The following MAN2B1 variants were observed in gnomAD, a reference collection of about 807,000 sequenced individuals.
MAN2B1 encodes the protein mannosidase alpha class 2B member 1.
MAN2B1 carries 99 observed loss-of-function variants against 127.5 expected under a neutral mutation model. The ratio of observed to expected loss-of-function variants is 0.78; its 90% CI spans 0.66 to 0.92. The LOEUF is 0.92. Ranked by LOEUF, MAN2B1 falls within the 40% of genes least tolerant of loss-of-function variation. MAN2B1 has a pLI of 0.00. For missense variants in MAN2B1, 1,304 were observed against 1,384.8 expected (o/e 0.94, Z 0.93); for synonymous variants, 573 against 568.8 (o/e 1.01, Z -0.11).
intron 6 of MAN2B1, among the ~76,000 whole-genome samples, chr19:12,662,566 G>T (rs2024133244): frequency 1.3e-5 from 2 of 152,136 alleles, no homozygotes; most frequent in Admixed American, 1.3e-4. Flanking sequence ...GTAGGTGGAG[G>T]TTGCAGTGAG....
Position 12,647,399 on chromosome 19 carries a change from C to G in MAN2B1, c.2820+44G>C. 1 of 1,612,844 alleles carries G rather than the reference C, an allele frequency of 6.2e-7. No homozygotes were observed. Among genetic ancestry groups the G allele is most frequent in the East Asian group, 2.2e-5 (1 of 44,880 alleles). ...AGCCAGGTTTCTCTTCTCTCCCTCT[C>G]TCTTGCCTCTCTCCGATCTCCTTCT... On this transcript the variant is annotated intron_variant, in intron 22 of 23. Coordinates refer to ENST00000456935, the MANE Select transcript of MAN2B1 (RefSeq NM_000528.4). The surrounding 1 kb of genome is among the most constrained non-coding windows in gnomAD (Gnocchi z 4.9).
Position 12,647,506 on chromosome 19 carries a change from G to A in MAN2B1, c.2757C>T (p.His919=). The A allele has an allele frequency of 1.2e-6, 2 of 1,614,254 alleles. No individual in the cohort carries two copies. Among genetic ancestry groups the A allele is most frequent in the Non-Finnish European group, 1.7e-6 (2 of 1,180,046 alleles). Residue 919 remains histidine (H), a synonymous_variant, in exon 22 of 24, where the codon CAC becomes CAT. Coordinates refer to ENST00000456935, the MANE Select transcript of MAN2B1 (RefSeq NM_000528.4). The surrounding 1 kb of genome is among the most constrained non-coding windows in gnomAD (Gnocchi z 4.9). The part of the protein sequence containing the change: ...GPEMVLLRLE[H]QFAVGEDSGR... ...CGGAATCCTCTCCTACGGCAAACTG[G>A]TGCTCCAAGCGCAGCAGCACCATTT...
At chr19:12,662,188 C>G (rs572954579) in intron 6 of MAN2B1, among the ~76,000 whole-genome samples, 1 of 151,818 alleles carries the variant, frequency 6.6e-6, no homozygotes, top group African/African-American at 2.4e-5. Context: ...TTAAGGAGAA[C>G]GTGTTATGCC....
rs2023991413 is a variant in MAN2B1, at chr19:12,657,348, C to T, written c.1419+98G>A. ...CCTTGTAGCCCCGCCACAGGGCTCT[C>T]GGCTACGCCTCACACCTGTCTCTGT... On this transcript the variant is annotated intron_variant, in intron 11 of 23. Coordinates refer to ENST00000456935, the MANE Select transcript of MAN2B1 (RefSeq NM_000528.4). 4 of 1,152,962 alleles carry T rather than the reference C, an allele frequency of 3.5e-6. No individual in the cohort carries two copies. The Admixed American group carries it at 6.1e-5, about 17-fold the overall frequency. The allele number at this position is 1,152,962 out of a possible 1,614,324, so 71.4% of individuals were successfully genotyped here. A position where few individuals can be genotyped will look rare whatever the true frequency, so the allele number is the denominator to read the frequency against.
intron 10 of MAN2B1, chr19:12,657,846 T>TC (rs2024005684): frequency 1.6e-6 from 1 of 618,542 alleles, no homozygotes; most frequent in Non-Finnish European, 2.8e-6. Context: ...TCCCAGCTAC[T>TC]CGGGAGGCTG....
Position 12,649,340 on chromosome 19 carries a change from C to T in MAN2B1, c.2355+1G>A. The T allele has an allele frequency of 6.2e-7, 1 of 1,613,028 alleles. No individual in the cohort carries two copies. The highest frequency in any genetic ancestry group is 8.5e-7 in the Non-Finnish European group (1 of 1,179,256). ...GGAGGTGCAGGATGGGGGAGAGCTA[C>T]CGTGATGTAAATCCGGGTGTTGACT... On this transcript the variant is annotated splice_donor_variant, in intron 19 of 23. Coordinates refer to ENST00000456935, the MANE Select transcript of MAN2B1 (RefSeq NM_000528.4). LOFTEE classifies it high-confidence loss of function.
At position 12,661,355 on chromosome 19, in the gene MAN2B1, G is replaced by C; in HGVS notation, c.931C>G (p.His311Asp). Residue 311 changes from histidine (H) to aspartate (D), a missense_variant, in exon 7 of 24, where the codon CAC becomes GAC. Transcript: ENST00000456935. The part of the protein sequence containing the change: ...TAQGRYYRTN[H>D]TVMTMGSDFQ... ...TCCGAGCCCATGGTCATCACAGTGT[G>C]GTTGGTGCGGTAATACCGGCCCTGC... 1 of 1,613,396 alleles carries C rather than the reference G, an allele frequency of 6.2e-7. No individual in the cohort carries two copies. The highest frequency in any genetic ancestry group is 8.5e-7 in the Non-Finnish European group (1 of 1,179,352).
In MAN2B1 at chr19:12,647,216, C is replaced by T. The variant is rs1422406161; in HGVS notation, c.2923+17G>A. 3.1e-6 allele frequency: 5 copies of T among 1,607,552 alleles called. No individual in the cohort carries two copies. The highest frequency in any genetic ancestry group is 2.2e-5 in the East Asian group (1 of 44,822). ...GGTAAGACTCCACCCCTTCCCTACC[C>T]CTGACCAGGGCCCCACCTGTGTTTG... On this transcript the variant is annotated intron_variant, in intron 23 of 23. Transcript: ENST00000456935. This position sits in a 1 kb window ranked among gnomAD's most constrained non-coding sequence, Gnocchi z 4.9.
In MAN2B1 at chr19:12,652,163, T is replaced by G; in HGVS notation, c.2036A>C (p.His679Pro). ...PLPVSRWAQIHLVKTPLVQEV... is the reference protein window; with the variant it reads ...PLPVSRWAQIPLVKTPLVQEV... ...TTCCTAGTCCCTGACCTTCACCAGG[T>G]GGATCTGAGCCCAGCGGCTCACAGG... The change falls in exon 16 of 24, where the codon CAC (histidine) becomes CCC (proline). Residue 679 changes from histidine (H) to proline (P), a missense_variant. Physicochemically the swap from His to Pro is moderately conservative, Grantham distance 77. Coordinates refer to ENST00000456935, the MANE Select transcript of MAN2B1 (RefSeq NM_000528.4). 1 of 1,613,814 alleles carries G rather than the reference T, an allele frequency of 6.2e-7. No homozygotes were observed. The highest frequency in any genetic ancestry group is 1.1e-5 in the South Asian group (1 of 91,052).
chr19:12,665,167 A>G (rs1458238924), intron 3 of MAN2B1, 182 bp from the exon 4 acceptor site: 1 of 1,035,080 alleles, frequency 9.7e-7, no homozygotes. Flanking sequence ...CAGGCTTCCC[A>G]GAGGATGCAC....
At position 12,649,397 on chromosome 19, in the gene MAN2B1, G is replaced by A. The variant is rs779769525; in HGVS notation, c.2299C>T (p.Gln767Ter). ...RDYRPTWKLNQTEPVAGNYYP... is the reference protein window; with the variant it reads ...RDYRPTWKLN ...TAGTTTCCTGCCACGGGCTCCGTCT[G>A]GTTCAGTTTCCAGGTGGGTCGATAA... Residue 767 changes from glutamine to a stop codon, truncating the protein, a stop_gained, in exon 19 of 24, where the codon CAG becomes TAG. Coordinates refer to ENST00000456935, the MANE Select transcript of MAN2B1 (RefSeq NM_000528.4). LOFTEE classifies it high-confidence loss of function. The A allele has an allele frequency of 2.9e-5, 46 of 1,612,614 alleles. No individual in the cohort carries two copies.
intron 16 of MAN2B1, 84 bp from the exon 17 acceptor site, chr19:12,650,306 A>G: frequency 1.2e-6 from 1 of 847,636 alleles, no homozygotes. Context: ...CTGGCCATAA[A>G]CCCCATTAAG....
chr19:12,657,650 A>C, intron 10 of MAN2B1, 95 bp from the exon 11 acceptor site: 1 of 1,106,870 alleles, frequency 9.0e-7, no homozygotes, highest in Non-Finnish European at 1.3e-6. Context: ...CAGGATTCTT[A>C]GAGGCTTTAA....
At position 12,647,905 on chromosome 19, in the gene MAN2B1, T is replaced by C. The variant is rs1599338942; in HGVS notation, c.2664+270A>G. On this transcript the variant is annotated intron_variant, in intron 21 of 23. Coordinates refer to ENST00000456935, the MANE Select transcript of MAN2B1 (RefSeq NM_000528.4). The surrounding 1 kb of genome is among the most constrained non-coding windows in gnomAD (Gnocchi z 4.9). ...GAGGCAGGACAGAGCCTGGGGGCGGTGAGAGGGCGGGGCTAAAGTGAAATG... is the reference window on the plus strand; with the variant it reads ...GAGGCAGGACAGAGCCTGGGGGCGGCGAGAGGGCGGGGCTAAAGTGAAATG... Among the ~76,000 whole-genome samples, 1 of 97,966 alleles carries C rather than the reference T, an allele frequency of 1.0e-5. No homozygotes were observed. The highest frequency in any genetic ancestry group is 2.6e-4 in the East Asian group (1 of 3,892). 64.3% of individuals were successfully genotyped at this position (97,966 alleles called of 152,430 possible). A position where few individuals can be genotyped will look rare whatever the true frequency, so the allele number is the denominator to read the frequency against.
In MAN2B1 at chr19:12,658,082, G is replaced by A. The variant is rs757526946; in HGVS notation, c.1290C>T (p.Ser430=). Reference sequence around the variant, plus strand: ...ACTTACTGAGGGGTGCACTGTCTCCGGAGCCATAGGGTCCCACGTTGGCCG... The same window carrying A: ...ACTTACTGAGGGGTGCACTGTCTCCAGAGCCATAGGGTCCCACGTTGGCCG... ...GLAANVGPYG[S]GDSAPLNEAM... The change falls in exon 10 of 24, where the codon TCC becomes TCT. Residue 430 remains serine (S), a synonymous_variant. Coordinates refer to ENST00000456935, the MANE Select transcript of MAN2B1 (RefSeq NM_000528.4). 3.1e-6 allele frequency: 5 copies of A among 1,613,112 alleles called. No individual in the cohort carries two copies. The highest frequency in any genetic ancestry group is 3.3e-5 in the Admixed American group (2 of 59,974).
intron 7 of MAN2B1, 21 bp from the exon 8 acceptor site, chr19:12,658,531 G>A: frequency 1.2e-6 from 2 of 1,612,564 alleles, no homozygotes; most frequent in Non-Finnish European, 1.7e-6. Flanking sequence ...AGGCGACGGA[G>A]TGAGCCCTCG....
At chr19:12,646,908 A>G in intron 23 of MAN2B1, 176 bp from the exon 24 acceptor site, 1 of 628,868 alleles carries the variant, frequency 1.6e-6, no homozygotes, top group African/African-American at 1.8e-5. Context: ...CCCAGGTCCA[A>G]TGTCCTCATA....
intron 1 of MAN2B1, 129 bp from the exon 2 acceptor site, chr19:12,665,934 G>A: frequency 4.1e-6 from 3 of 730,834 alleles, no homozygotes; most frequent in Non-Finnish European, 4.9e-6. Context: ...AGGAGGCCAG[G>A]CCCTCCCAGG....
chr19:12,657,896 A>T (rs1247692791), intron 10 of MAN2B1, 167 bp downstream of exon 10: 1 of 662,740 alleles, frequency 1.5e-6, no homozygotes, highest in South Asian at 1.8e-5. Flanking sequence ...TGGAGCTTGC[A>T]GTGAGCCGAG....
Sources: allele counts gnomAD v4.1 joint callset (sites outside exome capture counted in the v4.1 genomes callset), GRCh38; gene constraint gnomAD v4.1.1; non-coding constraint Gnocchi (gnomAD v3.1); transcripts MANE v1.5; gene names NCBI Gene and HGNC (gene_info 2026-07-23, HGNC 2026-07-21).